The following CLCN6 variants were observed in gnomAD, a reference collection of about 807,000 sequenced individuals.
CLCN6 encodes H(+)/Cl(-) exchange transporter 6.
A neutral mutation model predicts 109.8 loss-of-function variants in CLCN6; 70 were observed. The observed-to-expected ratio is 0.64, with a 90% CI of 0.53 to 0.78. The LOEUF (loss-of-function observed/expected upper bound fraction) is 0.78, where lower values mean the gene tolerates loss of function less well. Ranked by LOEUF, CLCN6 falls within the 30% of genes least tolerant of loss-of-function variation. The pLI, the probability that CLCN6 is intolerant of heterozygous loss-of-function variation, is 0.00. For missense variants in CLCN6, 984 were observed against 1,142.3 expected, an observed-to-expected ratio of 0.86 and a Z score of 2.00; for synonymous variants, 444 against 447.8, an observed-to-expected ratio of 0.99 and a Z score of 0.11.
At chr1:11,830,736 AT>A (rs55996449) in intron 13 of CLCN6, among the ~76,000 whole-genome samples, 5,561 of 99,990 alleles carry the variant, frequency 0.056, 187 homozygotes, top group Non-Finnish European at 0.07. Context: ...ATATGTATAT[AT>A]TATATATATA....
chr1:11,833,848 T>C, intron 14 of CLCN6, 29 bp from the exon 15 acceptor site: 2 of 1,597,602 alleles, frequency 1.3e-6, no homozygotes, highest in Admixed American at 3.5e-5. Context: ...CATCCGGTAG[T>C]GGGACTCAGG....
At chr1:11,818,993 A>G (rs145997191) in intron 4 of CLCN6, among the ~76,000 whole-genome samples, 1 of 152,368 alleles carries the variant, frequency 6.6e-6, no homozygotes, top group Non-Finnish European at 1.5e-5. Context: ...ACCTAAATGA[A>G]TGTTGTGTTT....
At position 11,828,588 on chromosome 1, in the gene CLCN6, G is replaced by A. The variant is rs770022946; in HGVS notation, c.1085G>A (p.Arg362His). The change falls in exon 12 of 23, where the codon CGT becomes CAT. Residue 362 changes from arginine to histidine, a missense_variant. Transcript: ENST00000346436. ...CTGAACAAGAGGCTTGCAAAGTACCGTATGCGAAACGTGCACCCGAAACCT... is the reference window on the plus strand; with the variant it reads ...CTGAACAAGAGGCTTGCAAAGTACCATATGCGAAACGTGCACCCGAAACCT... ...NCLNKRLAKYRMRNVHPKPKL... is the reference protein window; with the variant it reads ...NCLNKRLAKYHMRNVHPKPKL... 9.3e-6 allele frequency: 15 copies of A among 1,613,478 alleles called. No individual in the cohort carries two copies. Among genetic ancestry groups the A allele is most frequent in the African/African-American group, 5.3e-5 (4 of 74,870 alleles).
rs2100658514 is a variant in CLCN6 at position 11,837,116 on chromosome 1, G to A, written c.2098G>A (p.Ala700Thr). The A allele has an allele frequency of 1.9e-6, 3 of 1,613,260 alleles. No individual in the cohort carries two copies. The East Asian group carries it at 6.7e-5, about 36-fold the overall frequency. The stretch of plus-strand genomic sequence containing the variant: ...TGAGCACATCGCCTCTGAGGAGCCA[G>A]CCGAGAAGGAGGACCTCCTGCAGCA... ...CDEHIASEEP[A>T]EKEDLLQQML... The change falls in exon 19 of 23, where the codon GCC (alanine) becomes ACC (threonine). Residue 700 changes from alanine to threonine, a missense_variant. By Grantham distance (58) the Ala-to-Thr change is moderately conservative (BLOSUM62 0). Transcript: ENST00000346436.
At chr1:11,826,815 G>A (rs550576384) in intron 9 of CLCN6, among the ~76,000 whole-genome samples, 2 of 152,184 alleles carry the variant, frequency 1.3e-5, no homozygotes, top group Non-Finnish European at 1.5e-5. Flanking sequence ...TGAGCTGGGG[G>A]CTGAGATTCT....
At chr1:11,827,062 GA>G in intron 9 of CLCN6, 26 bp from the exon 10 acceptor site, 6 of 1,610,450 alleles carry the variant, frequency 3.7e-6, no homozygotes, top group Non-Finnish European at 5.1e-6. Context: ...CTCTTTATTG[GA>G]TAACCCGTCT....
chr1:11,815,581 G>C (rs1218287365), intron 2 of CLCN6, among the ~76,000 whole-genome samples: 1 of 152,146 alleles, frequency 6.6e-6, no homozygotes, highest in African/African-American at 2.4e-5. Flanking sequence ...TTTTAGTAGA[G>C]ACAGGGTTTC....
chr1:11,830,534 T>G (rs1161710015), intron 13 of CLCN6, among the ~76,000 whole-genome samples: 2 of 151,900 alleles, frequency 1.3e-5, no homozygotes, highest in Non-Finnish European at 2.9e-5. Context: ...TATATGCAAA[T>G]ATACACCATT....
At chr1:11,820,050 C>T (rs1644721658) in intron 5 of CLCN6, among the ~76,000 whole-genome samples, 1 of 152,182 alleles carries the variant, frequency 6.6e-6, no homozygotes, top group South Asian at 2.1e-4. Context: ...AATACCTAGA[C>T]AGTGGAAAAT....
In CLCN6 at chr1:11,833,983, G is replaced by T. The variant is rs143118992; in HGVS notation, c.1479G>T (p.Leu493=). 1 of 1,614,058 alleles carries T rather than the reference G, an allele frequency of 6.2e-7. No homozygotes were observed. The highest frequency in any genetic ancestry group is 1.3e-5 in the African/African-American group (1 of 75,026). The change falls in exon 15 of 23, where the codon CTG becomes CTT. Residue 493 remains leucine, a synonymous_variant. Coordinates refer to ENST00000346436, the MANE Select transcript of CLCN6 (RefSeq NM_001286.5). The part of the protein sequence containing the change: ...SVPSGLFVPS[L]LCGAAFGRLV... The stretch of plus-strand genomic sequence containing the variant: ...CAAGTGGCCTTTTTGTGCCTTCTCT[G>T]CTGTGTGGAGCTGCTTTTGGACGTT...
intron 7 of CLCN6, 49 bp downstream of exon 7, chr1:11,823,882 G>GA: frequency 6.2e-7 from 1 of 1,606,066 alleles, no homozygotes; most frequent in Non-Finnish European, 8.5e-7. Flanking sequence ...GGGCAGAGAC[G>GA]ACAAGAAGCA....
Position 11,827,131 on chromosome 1 carries a change from T to G in CLCN6, c.750T>G (p.Val250=). 6.2e-7 allele frequency: 1 copy of G among 1,613,982 alleles called. No individual in the cohort carries two copies. The highest frequency in any genetic ancestry group is 8.5e-7 in the Non-Finnish European group (1 of 1,179,920). Residue 250 remains valine, a synonymous_variant, in exon 10 of 23, where the codon GTT becomes GTG. Coordinates refer to ENST00000346436, the MANE Select transcript of CLCN6 (RefSeq NM_001286.5). ...TATCAGCAGGAGCGGCTGCTGGAGT[T>G]GCTGCAGCTTTCGGGGCGCCAATCG... ...DFVSAGAAAG[V]AAAFGAPIGG...
chr1:11,827,324 C>T (rs1644825824), intron 10 of CLCN6, 103 bp downstream of exon 10: 5 of 1,119,472 alleles, frequency 4.5e-6, no homozygotes, highest in Non-Finnish European at 6.1e-6. Flanking sequence ...ACTGGGGGGT[C>T]AACTGGATCA....
In CLCN6 at chr1:11,816,689, G is replaced by A. The variant is rs779572789; in HGVS notation, c.279+9G>A. ...GAGTCTGCACTGGCCTGGTGAGGAG[G>A]CAGGGCCTGGAGGGATGGTGGGCCA... is the stretch of plus-strand genomic sequence containing the variant. On this transcript the variant is annotated intron_variant, in intron 4 of 22. Transcript: ENST00000346436. The A allele has an allele frequency of 1.2e-6, 2 of 1,610,454 alleles. No individual in the cohort carries two copies. Among genetic ancestry groups the A allele is most frequent in the Non-Finnish European group, 1.7e-6 (2 of 1,178,108 alleles).
rs139212698 is a variant in CLCN6, at chr1:11,824,545, C to T, written c.640C>T (p.Leu214Phe). Residue 214 changes from leucine (L) to phenylalanine (F), a missense_variant, in exon 8 of 23, where the codon CTC becomes TTC. Coordinates refer to ENST00000346436, the MANE Select transcript of CLCN6 (RefSeq NM_001286.5). The part of the protein sequence containing the change: ...IHSGSVVGAG[L>F]PQFQSISLRK... The stretch of plus-strand genomic sequence containing the variant: ...CAGTGGTTCGGTGGTGGGAGCTGGC[C>T]TCCCTCAGGTAAGATGGGCTGAGAG... The T allele has an allele frequency of 1.5e-5, 25 of 1,613,342 alleles. No individual in the cohort carries two copies. In the African/African-American group the frequency reaches 3.2e-4, roughly 21 times the overall value.
At chr1:11,827,430 C>CATTTTTTTTTTTTTTTTT (rs1644827547) in intron 10 of CLCN6, among the ~76,000 whole-genome samples, 1 of 105,020 alleles carries the variant, frequency 9.5e-6, no homozygotes, top group Non-Finnish European at 1.9e-5. Flanking sequence ...ACCGCTGTTA[C>CATTTTTTTTTTTTTTTTT]TTTTTTTTTT....
intron 4 of CLCN6, among the ~76,000 whole-genome samples, chr1:11,818,840 G>A (rs1644706896): frequency 6.6e-6 from 1 of 152,154 alleles, no homozygotes; most frequent in Admixed American, 6.5e-5. Context: ...GGAGGCTGAG[G>A]CAGGAGGATC....
In CLCN6 at chr1:11,837,466, T is replaced by A; in HGVS notation, c.2262T>A (p.Leu754=). Reference sequence around the variant, plus strand: ...TTCGGTCGCAGCTTGTCACCCTGCTTGTCCGAGGAGTTTGTTACTCTGAAA... The same window carrying A: ...TTCGGTCGCAGCTTGTCACCCTGCTAGTCCGAGGAGTTTGTTACTCTGAAA... ...LILRSQLVTL[L]VRGVCYSESQ... Residue 754 remains leucine, a synonymous_variant, in exon 20 of 23, where the codon CTT becomes CTA. Coordinates refer to ENST00000346436, the MANE Select transcript of CLCN6 (RefSeq NM_001286.5). The A allele has an allele frequency of 6.2e-7, 1 of 1,614,058 alleles. No homozygotes were observed. Among genetic ancestry groups the A allele is most frequent in the Non-Finnish European group, 8.5e-7 (1 of 1,179,950 alleles).
At chr1:11,814,936 G>C (rs143553702) in intron 2 of CLCN6, among the ~76,000 whole-genome samples, 15,016 of 151,816 alleles carry the variant, frequency 0.099, 800 homozygotes, top group South Asian at 0.16. Context: ...AGGAGGCTGA[G>C]GCAGGAGAAT....
Sources: allele counts gnomAD v4.1 joint callset (sites outside exome capture counted in the v4.1 genomes callset), GRCh38; gene constraint gnomAD v4.1.1; transcripts MANE v1.5; gene names NCBI Gene and HGNC (gene_info 2026-07-23, HGNC 2026-07-21).